Variants in SMCO4 observed in about 807,000 individuals in gnomAD.
SMCO4 encodes the protein single-pass membrane protein with coiled-coil domains 4.
SMCO4 carries 4 observed loss-of-function variants against 3.6 expected under a neutral mutation model. The observed-to-expected ratio is 1.11, with a 90% CI of 0.54 to 2.53. The LOEUF is 2.53. Among genes scored for constraint, SMCO4 ranks in the 30% most tolerant of loss-of-function variants. The pLI is 0.02. For missense variants in SMCO4, 70 were observed against 80.8 expected (o/e 0.87, Z 0.51); for synonymous variants, 36 against 35.3 (o/e 1.02, Z -0.07).
intron 1 of SMCO4, among the ~76,000 whole-genome samples, chr11:93,539,856 A>G (rs997067131): frequency 1.3e-5 from 2 of 149,654 alleles, no homozygotes; most frequent in Admixed American, 6.7e-5. Context: ...CAGCCAGCCC[A>G]CTCCTCTCTC....
chr11:93,534,600 ACCC>A (rs1328560964), intron 1 of SMCO4, among the ~76,000 whole-genome samples: 1 of 152,196 alleles, frequency 6.6e-6, no homozygotes, highest in African/African-American at 2.4e-5. Context: ...CAAGGCACAC[ACCC>A]ATAAGGTGCT....
rs1948550173 is a variant in SMCO4 at position 93,478,749 on chromosome 11, AC to A, written c.*260del. 6.5e-4 allele frequency: 413 copies of A among 632,648 alleles called. No individual in the cohort carries two copies. Among genetic ancestry groups the A allele is most frequent in the Non-Finnish European group, 8.2e-4 (383 of 464,580 alleles). The allele number at this position is 632,648 out of a possible 1,614,324, so 39.2% of individuals were successfully genotyped here. On this transcript the variant is annotated 3_prime_UTR_variant, in exon 3 of 3. Transcript: ENST00000298966. ...CACACACACACACACACACACACAC[AC>A]ACATGCGCGCGCGCTTTGAAGTCTG... is the stretch of plus-strand genomic sequence containing the variant.
chr11:93,501,893 T>C (rs963521621), intron 1 of SMCO4, among the ~76,000 whole-genome samples: 1 of 151,412 alleles, frequency 6.6e-6, no homozygotes, highest in Non-Finnish European at 1.5e-5. Context: ...CCAGATGACG[T>C]CAAATGTAGC....
chr11:93,517,501 A>C (rs1384626897), intron 1 of SMCO4, among the ~76,000 whole-genome samples: 2 of 152,164 alleles, frequency 1.3e-5, no homozygotes, highest in Non-Finnish European at 2.9e-5. Flanking sequence ...AGATTTTTAA[A>C]ATTCTTCTCA....
chr11:93,487,489 C>A (rs1948664879), intron 2 of SMCO4, among the ~76,000 whole-genome samples: 1 of 152,162 alleles, frequency 6.6e-6, no homozygotes, highest in Non-Finnish European at 1.5e-5. Flanking sequence ...AAGATACACA[C>A]ACACACTTCT....
chr11:93,498,612 A>G (rs1187190139), intron 2 of SMCO4, among the ~76,000 whole-genome samples: 3 of 152,264 alleles, frequency 2.0e-5, no homozygotes, highest in Admixed American at 2.0e-4. Flanking sequence ...AATGTGAAAA[A>G]AAAGTATCAG....
chr11:93,505,902 G>C (rs2134603987), intron 1 of SMCO4, among the ~76,000 whole-genome samples: 1 of 151,306 alleles, frequency 6.6e-6, no homozygotes, highest in Admixed American at 6.6e-5. Context: ...GATGAAAATA[G>C]CTAACATTTA....
intron 1 of SMCO4, among the ~76,000 whole-genome samples, chr11:93,512,460 A>AGTG (rs1390835265): frequency 3.9e-5 from 6 of 152,206 alleles, no homozygotes; most frequent in Non-Finnish European, 8.8e-5. Context: ...CCACTGACTC[A>AGTG]CCCAAAGCAG....
intron 2 of SMCO4, among the ~76,000 whole-genome samples, chr11:93,483,437 A>C (rs762199580): frequency 6.6e-6 from 1 of 152,350 alleles, no homozygotes. Flanking sequence ...CTCTACTTCA[A>C]GAATCTAAGA....
chr11:93,509,480 GGAAAA>G (rs1356353608), intron 1 of SMCO4, among the ~76,000 whole-genome samples: 1 of 152,084 alleles, frequency 6.6e-6, no homozygotes, highest in African/African-American at 2.4e-5. Context: ...TCTACCCAGA[GGAAAA>G]GAAGTCATTA....
chr11:93,546,793 C>T (rs1267291323), upstream of SMCO4, among the ~76,000 whole-genome samples: 1 of 152,040 alleles, frequency 6.6e-6, no homozygotes, highest in Non-Finnish European at 1.5e-5. Context: ...AACGATTATA[C>T]ATGGCCCCAT....
Position 93,537,151 on chromosome 11 carries a change from G to A in SMCO4, c.-154+6125C>T, listed in dbSNP as rs943466175. 4.6e-5 allele frequency among the ~76,000 whole-genome samples: 7 copies of A among 152,318 alleles called. No homozygotes were observed. In the East Asian group the frequency reaches 9.7e-4, roughly 21 times the overall value. ...ATCAAGAGAGAATTCCCTTTCCCACGGCAGAGGGAGGCCTCCACTGTCACC... is the reference window on the plus strand; with the variant it reads ...ATCAAGAGAGAATTCCCTTTCCCACAGCAGAGGGAGGCCTCCACTGTCACC... On this transcript the variant is annotated intron_variant, in intron 1 of 2. Transcript: ENST00000298966.
intron 1 of SMCO4, among the ~76,000 whole-genome samples, chr11:93,524,458 T>A (rs569749375): frequency 6.6e-6 from 1 of 152,304 alleles, no homozygotes; most frequent in East Asian, 1.9e-4. Context: ...TATAGAAGTA[T>A]GCTACCTAAG....
At chr11:93,483,592 C>T (rs1322320091) in intron 2 of SMCO4, among the ~76,000 whole-genome samples, 1 of 150,538 alleles carries the variant, frequency 6.6e-6, no homozygotes, top group African/African-American at 2.5e-5. Context: ...GTCGAGTCCC[C>T]TGTGAGGCCA....
intron 1 of SMCO4, among the ~76,000 whole-genome samples, chr11:93,534,357 CATAT>C (rs574528655): frequency 0.023 from 1,965 of 86,960 alleles, 63 homozygotes; most frequent in African/African-American, 0.06. Flanking sequence ...TATACACATA[CATAT>C]ATATATATAT....
chr11:93,541,444 T>C (rs999688355), intron 1 of SMCO4, among the ~76,000 whole-genome samples: 1 of 152,172 alleles, frequency 6.6e-6, no homozygotes, highest in African/African-American at 2.4e-5. Flanking sequence ...AGAAGCATAG[T>C]TGTACAAGGA....
At chr11:93,549,939 G>A in the SMCO4 span, among the ~76,000 whole-genome samples, 1 of 150,682 alleles carries the variant, frequency 6.6e-6, no homozygotes, top group South Asian at 2.1e-4. Flanking sequence ...ACCTATTCTT[G>A]GAAATTAAGT....
chr11:93,496,044 G>A (rs1478133102), intron 2 of SMCO4, among the ~76,000 whole-genome samples: 1 of 152,204 alleles, frequency 6.6e-6, no homozygotes, highest in African/African-American at 2.4e-5. Flanking sequence ...TCCATGGGCT[G>A]CACTGGGCTT....
chr11:93,502,713 T>C (rs941284290), intron 1 of SMCO4, among the ~76,000 whole-genome samples: 1 of 152,118 alleles, frequency 6.6e-6, no homozygotes, highest in Non-Finnish European at 1.5e-5. Context: ...CAAAACTTAA[T>C]GCTACACGGC....
Sources: gnomAD v4.1 joint callset for allele counts (sites outside exome capture counted in the v4.1 genomes callset) on GRCh38, gnomAD v4.1.1 for gene constraint, MANE v1.5 for transcripts, NCBI Gene and HGNC (gene_info 2026-07-23, HGNC 2026-07-21) for gene names.